Variants in VWDE observed in about 807,000 individuals in gnomAD.
VWDE encodes von Willebrand factor D and EGF domain-containing protein.
In VWDE, 207 loss-of-function variants were observed where a neutral mutation model predicts 178.4. That is an observed-to-expected ratio of 1.16 (90% CI 1.04 to 1.30). The LOEUF (loss-of-function observed/expected upper bound fraction) is 1.30. Among genes scored for constraint, VWDE ranks in the 50% most tolerant of loss-of-function variants. The pLI, the probability that VWDE is intolerant of heterozygous loss-of-function variation, is 0.00. For synonymous variants in VWDE, 738 were observed against 651.4 expected, an observed-to-expected ratio of 1.13 and a Z score of -2.02; for missense variants, 2,287 against 1,901.3, an observed-to-expected ratio of 1.20 and a Z score of -3.77.
rs1783679791 is a variant in VWDE, at chr7:12,378,849, G to C, written c.879+628C>G. Among the ~76,000 whole-genome samples the C allele has an allele frequency of 2.0e-5, 3 of 152,098 alleles. No individual in the cohort carries two copies. In the South Asian group the frequency reaches 6.2e-4, roughly 31 times the overall value. On this transcript the variant is annotated intron_variant, in intron 6 of 28. Coordinates refer to ENST00000275358, the MANE Select transcript of VWDE (RefSeq NM_001135924.3). ...ACAATCTTACCATTTATCTCATCTT[G>C]TCCTTGAACGAGAAATGAATCCAGG...
At chr7:12,350,144 A>C (rs1391830042) in intron 19 of VWDE, among the ~76,000 whole-genome samples, 1 of 151,844 alleles carries the variant, frequency 6.6e-6, no homozygotes, top group East Asian at 1.9e-4. Context: ...AAGTGGCATA[A>C]TCATATAGTC....
In VWDE at chr7:12,370,032, A is replaced by T. The variant is rs1238651538; in HGVS notation, c.2274T>A (p.Phe758Leu). ...GACTCGGGAAAGCAAACAAAGGAGG[A>T]AACTCATGAAAGTTCTGCCGTTTCC... ...NRWKRQNFHE[F>L]PPLFAFPSLS... Residue 758 changes from phenylalanine (F) to leucine (L), a missense_variant, in exon 12 of 29, where the codon TTT becomes TTA. By Grantham distance (22) the Phe-to-Leu change is conservative. Transcript: ENST00000275358. 1 of 1,551,486 alleles carries T rather than the reference A, an allele frequency of 6.4e-7. No homozygotes were observed. The highest frequency in any genetic ancestry group is 2.4e-5 in the East Asian group (1 of 40,904).
At chr7:12,366,945 T>A (rs540655542) in intron 13 of VWDE, among the ~76,000 whole-genome samples, 1 of 152,188 alleles carries the variant, frequency 6.6e-6, no homozygotes, top group East Asian at 1.9e-4. Flanking sequence ...AAATCCATAG[T>A]AAGGAAAATA....
chr7:12,389,427 T>G, intron 2 of VWDE, 69 bp from the exon 3 acceptor site: 1 of 1,129,556 alleles, frequency 8.9e-7, no homozygotes, highest in Non-Finnish European at 1.3e-6. Context: ...ATATCAACTT[T>G]GCATTTTATT....
At chr7:12,354,989 C>T (rs1240001299) in intron 18 of VWDE, among the ~76,000 whole-genome samples, 1 of 152,104 alleles carries the variant, frequency 6.6e-6, no homozygotes, top group Admixed American at 6.5e-5. Flanking sequence ...CTCATCTGAA[C>T]GAGTAAATTC....
chr7:12,383,535 C>G lies in VWDE; in HGVS notation c.541+1G>C. ...TTAAAAAAGCAAAATATGATACTTA[C>G]GAACACAATCACCTCCTGTTTCAGT... On this transcript the variant is annotated splice_donor_variant, in intron 4 of 28. Coordinates refer to ENST00000275358, the MANE Select transcript of VWDE (RefSeq NM_001135924.3). LOFTEE classifies it high-confidence loss of function. The G allele has an allele frequency of 6.5e-7, 1 of 1,549,648 alleles. No homozygotes were observed. Among genetic ancestry groups the G allele is most frequent in the South Asian group, 1.2e-5 (1 of 83,984 alleles).
intron 19 of VWDE, among the ~76,000 whole-genome samples, chr7:12,347,308 C>A (rs1366793277): frequency 6.6e-6 from 1 of 151,994 alleles, no homozygotes; most frequent in Non-Finnish European, 1.5e-5. Context: ...CTCCAGATTA[C>A]AAAAATTACC....
chr7:12,380,179 A>G (rs1387357298), intron 5 of VWDE, among the ~76,000 whole-genome samples: 1 of 151,726 alleles, frequency 6.6e-6, no homozygotes, highest in East Asian at 1.9e-4. Flanking sequence ...ATAAACGTAT[A>G]TAATTTTAAA....
chr7:12,395,655 T>G (rs1041350071), intron 1 of VWDE, among the ~76,000 whole-genome samples: 2 of 152,062 alleles, frequency 1.3e-5, no homozygotes, highest in East Asian at 1.9e-4. Context: ...TTTAAATTCA[T>G]ATATTTTATA....
chr7:12,363,457 TAG>T (rs1782688434), intron 13 of VWDE, among the ~76,000 whole-genome samples: 1 of 152,088 alleles, frequency 6.6e-6, no homozygotes, highest in Non-Finnish European at 1.5e-5. Context: ...TTGGATTTTG[TAG>T]AGTCTTGACT....
chr7:12,357,159 C>T, intron 17 of VWDE, 106 bp downstream of exon 17: 1 of 1,366,488 alleles, frequency 7.3e-7, no homozygotes, highest in South Asian at 1.5e-5. Context: ...TGTTTAATAA[C>T]TTTGTTGCTC....
Position 12,389,378 on chromosome 7 carries a change from A to G in VWDE, c.244-20T>C. On this transcript the variant is annotated intron_variant, in intron 2 of 28. Coordinates refer to ENST00000275358, the MANE Select transcript of VWDE (RefSeq NM_001135924.3). ...GTTCATCTTTTGCAGGAGAGAAAACAAAAGTTGAAAATTCAGTTTATTTTC... is the reference window on the plus strand; with the variant it reads ...GTTCATCTTTTGCAGGAGAGAAAACGAAAGTTGAAAATTCAGTTTATTTTC... 6.6e-7 allele frequency: 1 copy of G among 1,506,464 alleles called. No individual in the cohort carries two copies. Among genetic ancestry groups the G allele is most frequent in the South Asian group, 1.2e-5 (1 of 82,374 alleles). The allele number at this position is 1,506,464 out of a possible 1,614,324, so 93.3% of individuals were successfully genotyped here.
At chr7:12,336,809 A>C (rs1468478820) in intron 26 of VWDE, among the ~76,000 whole-genome samples, 179 bp downstream of exon 26, 2 of 152,218 alleles carry the variant, frequency 1.3e-5, no homozygotes, top group Non-Finnish European at 2.9e-5. Context: ...TGAAAGAATG[A>C]GTTCAGAAGA....
At position 12,341,635 on chromosome 7, in the gene VWDE, G is replaced by GAA. The variant is rs5882355; in HGVS notation, c.4270+422_4270+423dup. Among the ~76,000 whole-genome samples the GAA allele has an allele frequency of 2.4e-3, 351 of 148,124 alleles. 1 individual carries two copies. The highest frequency in any genetic ancestry group is 7.5e-3 in the African/African-American group (302 of 40,382). ...CGACAGAGTGAGACTCTGTCTAAATGAAAAAAAAAAGCCTAATACTGTGAT... is the reference window on the plus strand; with the variant it reads ...CGACAGAGTGAGACTCTGTCTAAATGAAAAAAAAAAAAGCCTAATACTGTGAT... On this transcript the variant is annotated intron_variant, in intron 23 of 28. Transcript: ENST00000275358.
intron 1 of VWDE, among the ~76,000 whole-genome samples, chr7:12,397,833 A>G (rs1784699737): frequency 6.6e-6 from 1 of 152,188 alleles, no homozygotes; most frequent in Non-Finnish European, 1.5e-5. Flanking sequence ...TAATCATCAA[A>G]GAAACGCAAA....
chr7:12,331,347 T>C, intron 28 of VWDE, 150 bp from the exon 29 acceptor site: 1 of 569,698 alleles, frequency 1.8e-6, no homozygotes, highest in Non-Finnish European at 2.9e-6. Flanking sequence ...TTTCATAAAA[T>C]TGAAATCAAA....
At chr7:12,342,004 T>C in intron 23 of VWDE, 55 bp downstream of exon 23, 1 of 1,394,684 alleles carries the variant, frequency 7.2e-7, no homozygotes. Context: ...CTTCAGGACA[T>C]TGGCATATTT....
chr7:12,376,009 A>C (rs556001103), intron 7 of VWDE, among the ~76,000 whole-genome samples: 2 of 152,208 alleles, frequency 1.3e-5, no homozygotes, highest in East Asian at 1.9e-4. Context: ...AAAAGGAAAA[A>C]AGTTGTTAAA....
At chr7:12,344,563 A>C (rs1170167256) in intron 19 of VWDE, 94 bp from the exon 20 acceptor site, 1 of 903,172 alleles carries the variant, frequency 1.1e-6, no homozygotes, top group Non-Finnish European at 1.7e-6. Flanking sequence ...AAGTCTCTGA[A>C]GTTTGAATAG....
Sources: allele counts gnomAD v4.1 joint callset (sites outside exome capture counted in the v4.1 genomes callset), GRCh38; gene constraint gnomAD v4.1.1; transcripts MANE v1.5; gene names NCBI Gene and HGNC (gene_info 2026-07-23, HGNC 2026-07-21).